RAB40C: variants seen among roughly 807,000 people sequenced by gnomAD.
The protein encoded by RAB40C is ras-related protein Rab-40C.
A neutral mutation model predicts 28.1 loss-of-function variants in RAB40C; 8 were observed. That is an observed-to-expected ratio of 0.28 (90% CI 0.17 to 0.51). The LOEUF is 0.51. Among genes scored for constraint, RAB40C ranks in the 20% least tolerant of loss-of-function variants. The pLI is 0.97. For missense variants in RAB40C, 288 were observed against 405.9 expected (o/e 0.71, Z 2.50); for synonymous variants, 201 against 171.7 (o/e 1.17, Z -1.34).
intron 1 of RAB40C, among the ~76,000 whole-genome samples, chr16:603,128 G>A (rs970976958): frequency 3.3e-5 from 5 of 152,222 alleles, no homozygotes; most frequent in African/African-American, 9.6e-5. Context: ...TGTTTAGCCA[G>A]GTGTTCTGTG....
At chr16:594,651 C>G (rs2036072950) in intron 1 of RAB40C, among the ~76,000 whole-genome samples, 1 of 152,086 alleles carries the variant, frequency 6.6e-6, no homozygotes, top group African/African-American at 2.4e-5. Flanking sequence ...CTGCTTATCC[C>G]CAGGGCTAGC....
chr16:593,027 C>G (rs77835338), intron 1 of RAB40C, among the ~76,000 whole-genome samples: 1 of 152,218 alleles, frequency 6.6e-6, no homozygotes, highest in Non-Finnish European at 1.5e-5. Flanking sequence ...AAAGACACCA[C>G]GTGCTCTCAG....
intron 1 of RAB40C, among the ~76,000 whole-genome samples, chr16:606,709 G>A (rs937942930): frequency 7.2e-5 from 11 of 152,366 alleles, no homozygotes; most frequent in South Asian, 2.1e-4. Context: ...GGCCGCCTGC[G>A]TTGTTCACGG....
Position 625,639 on chromosome 16 carries a change from C to T in RAB40C, c.342+130C>T, listed in dbSNP as rs373184120. 5.1e-4 allele frequency: 508 copies of T among 1,003,906 alleles called. 4 individuals are homozygous for T. The African/African-American group carries it at 5.8e-3, about 11-fold the overall frequency. 62.2% of individuals were successfully genotyped at this position (1,003,906 alleles called of 1,614,324 possible). A position where few individuals can be genotyped will look rare whatever the true frequency, so the allele number is the denominator to read the frequency against. ...CGGCTCTGCACCCTGCACTGTCCCACGGCCTACGCCTGGGCATGCTGGTCA... is the reference window on the plus strand; with the variant it reads ...CGGCTCTGCACCCTGCACTGTCCCATGGCCTACGCCTGGGCATGCTGGTCA... On this transcript the variant is annotated intron_variant, in intron 4 of 5. Transcript: ENST00000248139.
intron 1 of RAB40C, among the ~76,000 whole-genome samples, chr16:615,019 A>G (rs1214457792): frequency 6.6e-6 from 1 of 152,230 alleles, no homozygotes; most frequent in Non-Finnish European, 1.5e-5. Context: ...TGGCACAACC[A>G]TTGTTCCTTC....
chr16:615,275 G>C (rs1048888452), intron 1 of RAB40C, among the ~76,000 whole-genome samples: 3 of 152,178 alleles, frequency 2.0e-5, no homozygotes, highest in Admixed American at 2.0e-4. Context: ...GACGGTGTGG[G>C]TGGAAGCGCT....
intron 1 of RAB40C, 178 bp from the exon 2 acceptor site, chr16:617,030 C>A: frequency 1.5e-6 from 1 of 661,666 alleles, no homozygotes; most frequent in African/African-American, 1.8e-5. Context: ...AGTGGGCAGG[C>A]CTGGGTTGCT....
chr16:622,538 T>G (rs1006841527), intron 3 of RAB40C, among the ~76,000 whole-genome samples: 5 of 152,222 alleles, frequency 3.3e-5, no homozygotes, highest in Admixed American at 1.3e-4. Context: ...AGACACGGTC[T>G]GGCTCTGTCG....
chr16:595,763 C>G (rs1436788671), intron 1 of RAB40C, among the ~76,000 whole-genome samples: 1 of 152,094 alleles, frequency 6.6e-6, no homozygotes, highest in Non-Finnish European at 1.5e-5. Flanking sequence ...CCACCACACC[C>G]AGCTAATTTT....
At chr16:590,464 C>G in intron 1 of RAB40C, 31 bp downstream of exon 1, 1 of 1,524,782 alleles carries the variant, frequency 6.6e-7, no homozygotes. Context: ...CGCGCTGCTA[C>G]GCGGGGCCCG....
chr16:620,795 C>T (rs1379233701), intron 3 of RAB40C, among the ~76,000 whole-genome samples: 1 of 119,904 alleles, frequency 8.3e-6, no homozygotes, highest in Non-Finnish European at 1.7e-5. Context: ...ATCCCAGCCC[C>T]CCGCCGACGG....
chr16:624,629 G>A (rs1216449186), intron 3 of RAB40C: 25 of 985,316 alleles, frequency 2.5e-5, no homozygotes, highest in Admixed American at 6.1e-5. Flanking sequence ...TGTGTGATAG[G>A]CTCTTCCATT....
At position 617,251 on chromosome 16, in the gene RAB40C, C is replaced by T. The variant is rs373466504; in HGVS notation, c.186C>T (p.Arg62=). 1.5e-5 allele frequency: 25 copies of T among 1,614,010 alleles called. No homozygotes were observed. The highest frequency in any genetic ancestry group is 4.0e-5 in the African/African-American group (3 of 74,944). Residue 62 remains arginine (R), a synonymous_variant, in exon 2 of 6, where the codon CGC becomes CGT. Transcript: ENST00000248139. ...KTTTILLDGR[R]VKLELWDTSG... Reference sequence around the variant, plus strand: ...CCACCATCCTGCTGGACGGCCGGCGCGTGAAGCTGGAGCTCTGGTGAGTTG... The same window carrying T: ...CCACCATCCTGCTGGACGGCCGGCGTGTGAAGCTGGAGCTCTGGTGAGTTG...
chr16:603,974 T>C (rs1047562013), intron 1 of RAB40C, among the ~76,000 whole-genome samples: 2 of 152,268 alleles, frequency 1.3e-5, no homozygotes, highest in Non-Finnish European at 2.9e-5. Flanking sequence ...TTTATGCATT[T>C]ACCTTGTTGA....
chr16:601,517 C>T (rs7191584), intron 1 of RAB40C, among the ~76,000 whole-genome samples: 34,449 of 151,950 alleles, frequency 0.23, 4,824 homozygotes, highest in East Asian at 0.6. Flanking sequence ...GCCGCAGCCG[C>T]GTCAGCAGAG....
intron 1 of RAB40C, among the ~76,000 whole-genome samples, chr16:596,774 A>T (rs2036135680): frequency 6.6e-6 from 1 of 152,128 alleles, no homozygotes; most frequent in Non-Finnish European, 1.5e-5. Flanking sequence ...TCAGGGCAGG[A>T]GCTGGGTGGA....
In RAB40C at chr16:610,133, C is replaced by A. The variant is rs921335106; in HGVS notation, c.143-7075C>A. ...TCTCCTGTAGCTGGTGGGGAAGCGG[C>A]ACCCTGTGCGGTAGACAGAACCAGC... On this transcript the variant is annotated intron_variant, in intron 1 of 5. Coordinates refer to ENST00000248139, the MANE Select transcript of RAB40C (RefSeq NM_021168.5). This position sits in a 1 kb window ranked among gnomAD's most constrained non-coding sequence, Gnocchi z 4.6. 6.6e-6 allele frequency among the ~76,000 whole-genome samples: 1 copy of A among 152,170 alleles called. No individual in the cohort carries two copies.
chr16:625,985 G>T lies in RAB40C; in HGVS notation c.429G>T (p.Ala143=). ...KRQVPTEQAR[A]YAEKNCMTFF... ...AGGTCCCGACGGAGCAGGCCCGCGC[G>T]TACGCAGAGAAGAACTGCATGACCT... Residue 143 remains alanine (A), a synonymous_variant, in exon 5 of 6, where the codon GCG becomes GCT. Transcript: ENST00000248139. 1 of 1,613,196 alleles carries T rather than the reference G, an allele frequency of 6.2e-7. No individual in the cohort carries two copies. The highest frequency in any genetic ancestry group is 8.5e-7 in the Non-Finnish European group (1 of 1,179,990).
In RAB40C at chr16:610,237, C is replaced by T. The variant is rs530512739; in HGVS notation, c.143-6971C>T. 6.6e-6 allele frequency among the ~76,000 whole-genome samples: 1 copy of T among 152,122 alleles called. No individual in the cohort carries two copies. The highest frequency in any genetic ancestry group is 1.5e-5 in the Non-Finnish European group (1 of 68,028). On this transcript the variant is annotated intron_variant, in intron 1 of 5. Transcript: ENST00000248139. The surrounding 1 kb of genome is among the most constrained non-coding windows in gnomAD (Gnocchi z 4.6). Reference sequence around the variant, plus strand: ...CTGCCTCTGTCCCCTGAGGTCAGAGCGCCTGTCCTGTGGAGCGGCTCTGAC... The same window carrying T: ...CTGCCTCTGTCCCCTGAGGTCAGAGTGCCTGTCCTGTGGAGCGGCTCTGAC...
Sources: allele counts gnomAD v4.1 joint callset (sites outside exome capture counted in the v4.1 genomes callset), GRCh38; gene constraint gnomAD v4.1.1; non-coding constraint Gnocchi (gnomAD v3.1); transcripts MANE v1.5; gene names NCBI Gene and HGNC (gene_info 2026-07-23, HGNC 2026-07-21).